Variants in SUSD5 observed in about 807,000 individuals in gnomAD.
SUSD5 encodes sushi domain-containing protein 5.
SUSD5 carries 33 observed loss-of-function variants against 29.5 expected under a neutral mutation model. That is an observed-to-expected ratio of 1.12 (90% confidence interval 0.85 to 1.49). The LOEUF (loss-of-function observed/expected upper bound fraction) is 1.49. Among genes scored for constraint, SUSD5 ranks in the 40% most tolerant of loss-of-function variants. The probability of loss-of-function intolerance (pLI) is 0.00; values close to 1 mark genes in which losing one functional copy is unlikely to be tolerated. For synonymous variants in SUSD5, 308 were observed against 325.3 expected (o/e 0.95, Z 0.57); for missense variants, 776 against 800.6 (o/e 0.97, Z 0.37).
rs144007111 is a variant in SUSD5, at chr3:33,175,296, A to G, written c.410-222T>C. 8.4e-3 allele frequency among the ~76,000 whole-genome samples: 1,280 copies of G among 152,326 alleles called. 24 individuals are homozygous for G. The highest frequency in any genetic ancestry group is 0.028 in the African/African-American group (1,184 of 41,576). ...CTTGTTGCGTGAATAAACGCCACATAAAGTGCTGCAACTTTGCATTTTAAA... is the reference window on the plus strand; with the variant it reads ...CTTGTTGCGTGAATAAACGCCACATGAAGTGCTGCAACTTTGCATTTTAAA... On this transcript the variant is annotated intron_variant, in intron 3 of 4. Transcript: ENST00000309558.
At chr3:33,206,218 A>G (rs1401007886) in intron 3 of SUSD5, among the ~76,000 whole-genome samples, 1 of 152,070 alleles carries the variant, frequency 6.6e-6, no homozygotes, top group East Asian at 1.9e-4. Context: ...TATTAAAAAT[A>G]CAAAAATTAG....
At position 33,152,854 on chromosome 3, in the gene SUSD5, C is replaced by G; in HGVS notation, c.1778G>C (p.Gly593Ala). Residue 593 changes from glycine to alanine, a missense_variant, in exon 5 of 5, where the codon GGG (glycine) becomes GCG (alanine). Transcript: ENST00000309558. The stretch of plus-strand genomic sequence containing the variant: ...GCACTTGCGGTAGCCCCACACCATC[C>G]CCACACCTGCCAGGAGCAGCAGTAG... ...LCLLLLLAGV[G>A]MVWGYRKCQH... is the part of the protein sequence containing the mutation. 1 of 1,613,980 alleles carries G rather than the reference C, an allele frequency of 6.2e-7. No individual in the cohort carries two copies. The highest frequency in any genetic ancestry group is 8.5e-7 in the Non-Finnish European group (1 of 1,179,898).
At chr3:33,165,746 G>GA (rs1223654517) in intron 4 of SUSD5, among the ~76,000 whole-genome samples, 4 of 152,198 alleles carry the variant, frequency 2.6e-5, no homozygotes, top group African/African-American at 4.8e-5. Flanking sequence ...TTGAGGGACA[G>GA]AAAATGTAAT....
At chr3:33,217,995 A>G (rs1473443085) in intron 1 of SUSD5, among the ~76,000 whole-genome samples, 1 of 152,234 alleles carries the variant, frequency 6.6e-6, no homozygotes, top group Non-Finnish European at 1.5e-5. Context: ...CAAGTATTAC[A>G]AGCTAAATTC....
At chr3:33,197,041 C>T (rs980357196) in intron 3 of SUSD5, among the ~76,000 whole-genome samples, 4 of 152,204 alleles carry the variant, frequency 2.6e-5, no homozygotes, top group Admixed American at 1.3e-4. Context: ...CAGGGTACTA[C>T]AGCAGGTGTT....
intron 4 of SUSD5, among the ~76,000 whole-genome samples, chr3:33,168,024 TTAAC>T (rs1175913245): frequency 2.0e-5 from 3 of 152,314 alleles, no homozygotes; most frequent in Admixed American, 1.3e-4. Context: ...GCATTTATAT[TTAAC>T]TGCTACTTTT....
chr3:33,194,195 C>G, intron 3 of SUSD5, among the ~76,000 whole-genome samples: 1 of 152,128 alleles, frequency 6.6e-6, no homozygotes, highest in East Asian at 1.9e-4. Context: ...CATCCCTGAC[C>G]CAATCAACTC....
At chr3:33,176,925 G>A (rs1204837763) in intron 3 of SUSD5, among the ~76,000 whole-genome samples, 1 of 152,070 alleles carries the variant, frequency 6.6e-6, no homozygotes, top group African/African-American at 2.4e-5. Flanking sequence ...TCTATTTCTG[G>A]GCTCTCTACT....
chr3:33,190,528 A>C (rs1399179939), intron 3 of SUSD5, among the ~76,000 whole-genome samples: 4 of 152,138 alleles, frequency 2.6e-5, no homozygotes, highest in Non-Finnish European at 4.4e-5. Flanking sequence ...ATTTGTATGG[A>C]TTTACCATAA....
At chr3:33,196,095 G>A (rs530897121) in intron 3 of SUSD5, among the ~76,000 whole-genome samples, 183 of 152,304 alleles carry the variant, frequency 1.2e-3, no homozygotes, top group Non-Finnish European at 2.1e-3. Flanking sequence ...AATGGTTGGA[G>A]ACTGATGGTC....
At chr3:33,200,274 G>A (rs1339222893) in intron 3 of SUSD5, among the ~76,000 whole-genome samples, 1 of 152,162 alleles carries the variant, frequency 6.6e-6, no homozygotes, top group Non-Finnish European at 1.5e-5. Flanking sequence ...CCAGCCTCCA[G>A]AACTGTGAGA....
intron 4 of SUSD5, among the ~76,000 whole-genome samples, chr3:33,172,719 G>T (rs888566340): frequency 2.0e-5 from 3 of 152,238 alleles, no homozygotes; most frequent in African/African-American, 7.2e-5. Flanking sequence ...ATGCAACAAG[G>T]CAAGTAGAAA....
chr3:33,196,196 A>C (rs1239297445), intron 3 of SUSD5, among the ~76,000 whole-genome samples: 1 of 152,216 alleles, frequency 6.6e-6, no homozygotes, highest in Non-Finnish European at 1.5e-5. Flanking sequence ...CACCATGGCT[A>C]AATTGGAATT....
At chr3:33,214,522 A>AC (rs1305378998) in intron 1 of SUSD5, among the ~76,000 whole-genome samples, 1 of 151,242 alleles carries the variant, frequency 6.6e-6, no homozygotes. Context: ...CCCTAGGATG[A>AC]CCCCCTATAC....
intron 4 of SUSD5, among the ~76,000 whole-genome samples, chr3:33,163,165 GAA>G (rs1559445322): frequency 6.6e-6 from 1 of 151,936 alleles, no homozygotes; most frequent in African/African-American, 2.4e-5. Context: ...AGAGAAAGAG[GAA>G]ATACTTCCCA....
chr3:33,178,236 A>C (rs1239468145), intron 3 of SUSD5, among the ~76,000 whole-genome samples: 1 of 152,156 alleles, frequency 6.6e-6, no homozygotes. Flanking sequence ...TTCTGCATCT[A>C]TCAATATAAT....
intron 4 of SUSD5, among the ~76,000 whole-genome samples, chr3:33,157,055 C>T (rs762932066): frequency 2.0e-5 from 3 of 152,184 alleles, no homozygotes; most frequent in Non-Finnish European, 4.4e-5. Flanking sequence ...TTCTAATGAG[C>T]CTTGTAGAAT....
chr3:33,197,866 T>C (rs2032024226), intron 3 of SUSD5, among the ~76,000 whole-genome samples: 1 of 152,224 alleles, frequency 6.6e-6, no homozygotes, highest in Admixed American at 6.5e-5. Context: ...GATCCATTCA[T>C]CAGTTGATGA....
intron 3 of SUSD5, among the ~76,000 whole-genome samples, chr3:33,200,127 T>C (rs966099036): frequency 2.6e-5 from 4 of 152,306 alleles, no homozygotes; most frequent in South Asian, 2.1e-4. Context: ...ATGGGACTAG[T>C]GCCCTTATGA....
Sources: allele counts gnomAD v4.1 joint callset (sites outside exome capture counted in the v4.1 genomes callset), GRCh38; gene constraint gnomAD v4.1.1; transcripts MANE v1.5; gene names NCBI Gene and HGNC (gene_info 2026-07-23, HGNC 2026-07-21).